The following CAMTA1 variants were observed in gnomAD, a reference collection of about 807,000 sequenced individuals.
The protein encoded by CAMTA1 is calmodulin-binding transcription activator 1.
Under a neutral mutation model 170.9 loss-of-function variants are expected in CAMTA1, and 27 were observed. The ratio of observed to expected loss-of-function variants is 0.16; its 90% CI spans 0.12 to 0.22. CAMTA1 has a LOEUF of 0.22. Among genes scored for constraint, CAMTA1 ranks in the 10% least tolerant of loss-of-function variants. CAMTA1 has a pLI of 1.00. For synonymous variants in CAMTA1, 833 were observed against 891.5 expected, an observed-to-expected ratio of 0.93 and a Z score of 1.17; for missense variants, 1,619 against 2,217.2, an observed-to-expected ratio of 0.73 and a Z score of 5.42.
At chr1:6,922,098 GATT>G (rs774651269) in intron 3 of CAMTA1, among the ~76,000 whole-genome samples, 3 of 152,170 alleles carry the variant, frequency 2.0e-5, no homozygotes, top group Non-Finnish European at 2.9e-5. Context: ...TTCTTCAGTT[GATT>G]ATAATTGGTT....
rs1340799613 is a variant in CAMTA1 at position 7,635,155 on chromosome 1, T to C, written c.511-5245T>C. ...CACGATCACTTTGGGGGGTGACCCCTAGCATCTCTCATGAAAACTCCATAG... is the reference window on the plus strand; with the variant it reads ...CACGATCACTTTGGGGGGTGACCCCCAGCATCTCTCATGAAAACTCCATAG... On this transcript the variant is annotated intron_variant, in intron 6 of 22. Coordinates refer to ENST00000303635, the MANE Select transcript of CAMTA1 (RefSeq NM_015215.4). This position sits in a 1 kb window ranked among gnomAD's most constrained non-coding sequence, Gnocchi z 4.4. Among the ~76,000 whole-genome samples, 2 of 152,134 alleles carry C rather than the reference T, an allele frequency of 1.3e-5. No homozygotes were observed. Among genetic ancestry groups the C allele is most frequent in the African/African-American group, 4.8e-5 (2 of 41,434 alleles).
At chr1:7,444,491 T>G (rs2092630345) in intron 5 of CAMTA1, among the ~76,000 whole-genome samples, 1 of 152,246 alleles carries the variant, frequency 6.6e-6, no homozygotes, top group Non-Finnish European at 1.5e-5. Context: ...TTCTGTTTGC[T>G]GCTTCCCTCC....
intron 11 of CAMTA1, among the ~76,000 whole-genome samples, chr1:7,706,409 C>G (rs1206999900): frequency 1.3e-5 from 2 of 152,198 alleles, no homozygotes; most frequent in Non-Finnish European, 2.9e-5. Flanking sequence ...GAGTCTTTTT[C>G]TCTTACTACC....
At chr1:7,024,265 AAATG>A (rs1701764038) in intron 3 of CAMTA1, among the ~76,000 whole-genome samples, 1 of 152,216 alleles carries the variant, frequency 6.6e-6, no homozygotes, top group Non-Finnish European at 1.5e-5. Flanking sequence ...TTCCTACTGA[AAATG>A]AACATGGAAT....
intron 5 of CAMTA1, among the ~76,000 whole-genome samples, chr1:7,259,590 G>GTTAT (rs903180615): frequency 4.4e-4 from 67 of 152,296 alleles, no homozygotes; most frequent in African/African-American, 1.6e-3. Context: ...CAGGCAAGTG[G>GTTAT]TTATTTATTT....
chr1:6,834,414 C>T, intron 3 of CAMTA1: 1 of 216,454 alleles, frequency 4.6e-6, no homozygotes, highest in Non-Finnish European at 9.7e-6. Flanking sequence ...CTGTGGTGTA[C>T]AATTTTTAGG....
chr1:6,865,079 AC>A (rs1666122497), intron 3 of CAMTA1, among the ~76,000 whole-genome samples: 1 of 152,204 alleles, frequency 6.6e-6, no homozygotes, highest in Non-Finnish European at 1.5e-5. Context: ...TGCTAGAATT[AC>A]AGGTGTGAGC....
intron 5 of CAMTA1, among the ~76,000 whole-genome samples, chr1:7,303,263 C>A (rs541595912): frequency 6.6e-6 from 1 of 152,310 alleles, no homozygotes; most frequent in Non-Finnish European, 1.5e-5. Context: ...GCTTCAGCAC[C>A]ACAAGCTTTG....
intron 6 of CAMTA1, among the ~76,000 whole-genome samples, chr1:7,498,662 A>C (rs1189679167): frequency 6.6e-6 from 1 of 152,090 alleles, no homozygotes; most frequent in Non-Finnish European, 1.5e-5. Flanking sequence ...ATGTGGATGT[A>C]TGACTACATT....
Position 7,740,282 on chromosome 1 carries a change from G to A in CAMTA1, c.4182+1800G>A, listed in dbSNP as rs115379357. On this transcript the variant is annotated intron_variant, in intron 16 of 22. Transcript: ENST00000303635. ...CAGACTTTGTCCTAGCTACTTAATC[G>A]GCCCTAACAGCACCAAAGCAGCCTT... Among the ~76,000 whole-genome samples, 1,382 of 152,208 alleles carry A rather than the reference G, an allele frequency of 9.1e-3. 12 individuals are homozygous for A. Among genetic ancestry groups the A allele is most frequent in the South Asian group, 0.013 (65 of 4,816 alleles).
chr1:7,125,141 G>A (rs910291153), intron 4 of CAMTA1, among the ~76,000 whole-genome samples: 5 of 152,238 alleles, frequency 3.3e-5, no homozygotes, highest in South Asian at 4.1e-4. Flanking sequence ...CATCTACACC[G>A]TGTTAAGATG....
chr1:7,024,640 C>T (rs1471416531), intron 3 of CAMTA1, among the ~76,000 whole-genome samples: 2 of 152,198 alleles, frequency 1.3e-5, no homozygotes, highest in African/African-American at 2.4e-5. Context: ...AGGGCCGTGT[C>T]TGCTCCATCG....
chr1:7,395,069 G>C (rs1236845329), intron 5 of CAMTA1, among the ~76,000 whole-genome samples: 3 of 152,082 alleles, frequency 2.0e-5, no homozygotes, highest in Non-Finnish European at 4.4e-5. Flanking sequence ...TTTTGGTAGA[G>C]AAGGGGTTTC....
intron 6 of CAMTA1, among the ~76,000 whole-genome samples, chr1:7,501,416 G>A (rs998707455): frequency 6.6e-6 from 1 of 152,124 alleles, no homozygotes; most frequent in Non-Finnish European, 1.5e-5. Context: ...TCCAGAGCCC[G>A]CTGGAGGGAG....
intron 3 of CAMTA1, among the ~76,000 whole-genome samples, chr1:6,843,783 A>G (rs990622566): frequency 1.3e-5 from 2 of 152,134 alleles, no homozygotes; most frequent in Non-Finnish European, 2.9e-5. Context: ...CCCGGCCCCA[A>G]ACTTTTTTAT....
At chr1:6,833,112 C>G (rs1651152405) in intron 3 of CAMTA1, among the ~76,000 whole-genome samples, 2 of 152,166 alleles carry the variant, frequency 1.3e-5, no homozygotes, top group African/African-American at 4.8e-5. Flanking sequence ...CAGGTGAAGG[C>G]AGGTTTGACA....
At chr1:6,899,554 G>GCGCACACACACACACA (rs1306510241) in intron 3 of CAMTA1, among the ~76,000 whole-genome samples, 27 of 141,178 alleles carry the variant, frequency 1.9e-4, no homozygotes, top group Admixed American at 4.6e-4. Context: ...ACGCGCGCGC[G>GCGCACACACACACACA]CACACACACA....
At chr1:6,926,446 T>G (rs1478808285) in intron 3 of CAMTA1, among the ~76,000 whole-genome samples, 1 of 55,746 alleles carries the variant, frequency 1.8e-5, no homozygotes, top group Non-Finnish European at 3.5e-5. Flanking sequence ...TTCTCTTTCT[T>G]TCTTTCTTTC....
intron 4 of CAMTA1, among the ~76,000 whole-genome samples, chr1:7,160,406 C>T (rs931382530): frequency 1.3e-5 from 2 of 152,136 alleles, no homozygotes; most frequent in East Asian, 1.9e-4. Flanking sequence ...TGGTTGCCAT[C>T]GGACGTTTCT....
Sources: gnomAD v4.1 joint callset for allele counts (sites outside exome capture counted in the v4.1 genomes callset) on GRCh38, gnomAD v4.1.1 for gene constraint, Gnocchi (gnomAD v3.1) non-coding constraint, MANE v1.5 for transcripts, NCBI Gene and HGNC (gene_info 2026-07-23, HGNC 2026-07-21) for gene names.